The following CLASP2 variants were observed in gnomAD, a reference collection of about 807,000 sequenced individuals.
CLASP2 encodes CLIP-associating protein 2.
CLASP2 carries 47 observed loss-of-function variants against 194.4 expected under a neutral mutation model. The ratio of observed to expected loss-of-function variants is 0.24; its 90% CI spans 0.19 to 0.31. CLASP2 has a LOEUF of 0.31. Among genes scored for constraint, CLASP2 ranks in the 10% least tolerant of loss-of-function variants. The probability of loss-of-function intolerance (pLI) is 1.00; values close to 1 mark genes in which losing one functional copy is unlikely to be tolerated. For missense variants in CLASP2, 1,445 were observed against 1,823.6 expected (o/e 0.79, Z 3.78); for synonymous variants, 619 against 633.5 (o/e 0.98, Z 0.34).
chr3:33,694,742 T>C (rs1227199499), intron 2 of CLASP2, among the ~76,000 whole-genome samples: 1 of 152,180 alleles, frequency 6.6e-6, no homozygotes, highest in East Asian at 1.9e-4. Context: ...AGAATTTTCA[T>C]GTAAAACTTC....
chr3:33,578,097 C>G (rs1033347231), intron 23 of CLASP2, among the ~76,000 whole-genome samples: 6 of 152,144 alleles, frequency 3.9e-5, no homozygotes, highest in Non-Finnish European at 5.9e-5. Flanking sequence ...ATTTCAGTAT[C>G]TATACTCTTT....
chr3:33,593,980 A>G (rs779486828), intron 20 of CLASP2, among the ~76,000 whole-genome samples: 2 of 152,046 alleles, frequency 1.3e-5, no homozygotes, highest in Admixed American at 6.6e-5. Flanking sequence ...AATAGGTGGG[A>G]CTATAGGACG....
chr3:33,605,034 C>T (rs771063543), intron 16 of CLASP2, among the ~76,000 whole-genome samples: 12 of 152,072 alleles, frequency 7.9e-5, no homozygotes, highest in Admixed American at 2.6e-4. Context: ...TAGATTGAGG[C>T]GGATCACTTT....
At position 33,688,202 on chromosome 3, in the gene CLASP2, T is replaced by G. The variant is rs1472243823; in HGVS notation, c.470+75A>C. The G allele has an allele frequency of 4.4e-6, 5 of 1,125,772 alleles. No homozygotes were observed. In the African/African-American group the frequency reaches 8.0e-5, roughly 18 times the overall value. 69.7% of individuals were successfully genotyped at this position (1,125,772 alleles called of 1,614,324 possible). On this transcript the variant is annotated intron_variant, in intron 4 of 38. Coordinates refer to ENST00000682230, the MANE Select transcript of CLASP2 (RefSeq NM_001365631.1). Reference sequence around the variant, plus strand: ...AAATGTGTTATTACCATAGCTTTCCTTGACTTTGTGAACTGAGGTTTTTTT... The same window carrying G: ...AAATGTGTTATTACCATAGCTTTCCGTGACTTTGTGAACTGAGGTTTTTTT...
rs1482971554 is a variant in CLASP2, at chr3:33,718,154, ACGCCAAGCGCCCAGCCGCC to A, written c.-171_-153del. ...CGGGGCGCAGCGGGCGGCGGGAGGA[ACGCCAAGCGCCCAGCCGCC>A]CCCAAACTAGTCAAACTCGGCGCCC... On this transcript the variant is annotated 5_prime_UTR_variant, in exon 1 of 39. Transcript: ENST00000682230. The A allele has an allele frequency of 1.4e-6, 1 of 690,504 alleles. No individual in the cohort carries two copies. The highest frequency in any genetic ancestry group is 2.1e-6 in the Non-Finnish European group (1 of 467,664). The allele number at this position is 690,504 out of a possible 1,614,324, so 42.8% of individuals were successfully genotyped here.
At chr3:33,708,521 T>C (rs1379984114) in intron 1 of CLASP2, among the ~76,000 whole-genome samples, 12 of 115,510 alleles carry the variant, frequency 1.0e-4, no homozygotes, top group African/African-American at 4.3e-4. Flanking sequence ...TATATGTATA[T>C]ATGTATATAT....
chr3:33,544,693 A>G lies in CLASP2; in HGVS notation c.3297+5T>C, dbSNP rs1316333808. On this transcript the variant is annotated splice_donor_5th_base_variant and intron_variant, in intron 31 of 38. Coordinates refer to ENST00000682230, the MANE Select transcript of CLASP2 (RefSeq NM_001365631.1). ...ATGATAGCCAAGAAAATAAGTAACAATTACCTGGGTTCCATTGCCAGTGTT... is the reference window on the plus strand; with the variant it reads ...ATGATAGCCAAGAAAATAAGTAACAGTTACCTGGGTTCCATTGCCAGTGTT... 8.1e-6 allele frequency: 13 copies of G among 1,607,232 alleles called. No individual in the cohort carries two copies. Among genetic ancestry groups the G allele is most frequent in the South Asian group, 2.2e-5 (2 of 89,302 alleles).
chr3:33,633,904 C>CT (rs1372126209), intron 8 of CLASP2, among the ~76,000 whole-genome samples: 2 of 152,270 alleles, frequency 1.3e-5, no homozygotes, highest in African/African-American at 4.8e-5. Flanking sequence ...ATCTAACTAA[C>CT]ATATGTCTAT....
intron 12 of CLASP2, among the ~76,000 whole-genome samples, chr3:33,613,090 A>C (rs1445105345): frequency 1.3e-5 from 2 of 152,192 alleles, no homozygotes; most frequent in Non-Finnish European, 2.9e-5. Flanking sequence ...TATTACCCTA[A>C]TTTGACACTG....
At chr3:33,568,928 A>G (rs1419599328) in intron 26 of CLASP2, among the ~76,000 whole-genome samples, 2 of 152,242 alleles carry the variant, frequency 1.3e-5, no homozygotes, top group Non-Finnish European at 2.9e-5. Flanking sequence ...AACTCGGCAC[A>G]GGATGGTGAC....
chr3:33,530,902 T>C (rs2056129299), intron 34 of CLASP2, among the ~76,000 whole-genome samples: 1 of 152,202 alleles, frequency 6.6e-6, no homozygotes, highest in Non-Finnish European at 1.5e-5. Context: ...ATACCAATAT[T>C]ATCCAAAGAG....
chr3:33,661,278 T>G (rs1022978988), intron 7 of CLASP2, among the ~76,000 whole-genome samples: 5 of 152,186 alleles, frequency 3.3e-5, no homozygotes, highest in African/African-American at 1.2e-4. Flanking sequence ...GATTATAGGC[T>G]CCTTAAGGGG....
chr3:33,550,706 C>T (rs953966641), intron 30 of CLASP2, among the ~76,000 whole-genome samples: 1 of 151,130 alleles, frequency 6.6e-6, no homozygotes, highest in Non-Finnish European at 1.5e-5. Flanking sequence ...GGAAAAATAA[C>T]GTTTCTATAA....
At chr3:33,666,092 A>G (rs2086124216) in intron 6 of CLASP2, among the ~76,000 whole-genome samples, 1 of 152,176 alleles carries the variant, frequency 6.6e-6, no homozygotes, top group African/African-American at 2.4e-5. Context: ...AGCAACCCTA[A>G]CCAAAGTCCA....
chr3:33,522,982 A>C (rs1019972388), intron 34 of CLASP2, among the ~76,000 whole-genome samples: 1 of 152,218 alleles, frequency 6.6e-6, no homozygotes, highest in Admixed American at 6.5e-5. Flanking sequence ...AGGCTGAGAC[A>C]GGAGAATGGC....
chr3:33,604,264 A>G (rs2073142458), intron 16 of CLASP2, 55 bp from the exon 17 acceptor site: 1 of 1,098,032 alleles, frequency 9.1e-7, no homozygotes, highest in Non-Finnish European at 1.3e-6. Flanking sequence ...CTCCTCTGAT[A>G]AAAACCAATA....
At chr3:33,577,337 G>A (rs2065118227) in intron 23 of CLASP2, 15 of 1,250,478 alleles carry the variant, frequency 1.2e-5, no homozygotes, top group Admixed American at 1.8e-5. Context: ...CTACTGTCAG[G>A]CAAGGAGAGT....
intron 2 of CLASP2, among the ~76,000 whole-genome samples, chr3:33,693,417 A>T (rs2091555049): frequency 6.6e-6 from 1 of 152,182 alleles, no homozygotes; most frequent in South Asian, 2.1e-4. Context: ...TCCAGACATA[A>T]TTCAATTCAA....
chr3:33,656,850 A>G (rs2084325360), intron 7 of CLASP2, among the ~76,000 whole-genome samples: 1 of 152,206 alleles, frequency 6.6e-6, no homozygotes, highest in African/African-American at 2.4e-5. Flanking sequence ...ATACTGAGTA[A>G]ACACAGCAAA....
Sources: allele counts gnomAD v4.1 joint callset (sites outside exome capture counted in the v4.1 genomes callset), GRCh38; gene constraint gnomAD v4.1.1; transcripts MANE v1.5; gene names NCBI Gene and HGNC (gene_info 2026-07-23, HGNC 2026-07-21).